Variants in PTGER4 observed in about 807,000 individuals in gnomAD.
The protein encoded by PTGER4 is prostaglandin E2 receptor EP4 subtype.
A neutral mutation model predicts 33.2 loss-of-function variants in PTGER4; 11 were observed. That is an observed-to-expected ratio of 0.33 (90% CI 0.21 to 0.55). PTGER4 has a LOEUF of 0.55. Among genes scored for constraint, PTGER4 ranks in the 20% least tolerant of loss-of-function variants. The probability of loss-of-function intolerance (pLI) is 0.92; values close to 1 mark genes in which losing one functional copy is unlikely to be tolerated. For synonymous variants in PTGER4, 275 were observed against 281.5 expected, an observed-to-expected ratio of 0.98 and a Z score of 0.23; for missense variants, 481 against 650.2, an observed-to-expected ratio of 0.74 and a Z score of 2.83.
the PTGER4 span, among the ~76,000 whole-genome samples, chr5:40,717,298 T>G: frequency 6.6e-6 from 1 of 150,922 alleles, no homozygotes; most frequent in Non-Finnish European, 1.5e-5. Context: ...ATGAAGTAGG[T>G]ATGGTTATTG....
At position 40,691,390 on chromosome 5, in the gene PTGER4, C is replaced by T. The variant is rs1350596877; in HGVS notation, c.868-389C>T. Among the ~76,000 whole-genome samples, 3 of 152,238 alleles carry T rather than the reference C, an allele frequency of 2.0e-5. No individual in the cohort carries two copies. The highest frequency in any genetic ancestry group is 2.9e-5 in the Non-Finnish European group (2 of 68,044). ...AGAGATGGGGTTTCACCATGTTGGC[C>T]AGGAGGTTCTCAATCTCTTGACCTA... On this transcript the variant is annotated intron_variant, in intron 2 of 2. Coordinates refer to ENST00000302472, the MANE Select transcript of PTGER4 (RefSeq NM_000958.3). This position sits in a 1 kb window ranked among gnomAD's most constrained non-coding sequence, Gnocchi z 4.2.
At chr5:40,738,306 C>T in the PTGER4 span, among the ~76,000 whole-genome samples, 2 of 151,446 alleles carry the variant, frequency 1.3e-5, no homozygotes, top group African/African-American at 2.4e-5. Context: ...CCCAGCTAGT[C>T]GGGAGTGCTG....
At chr5:40,727,287 A>C in the PTGER4 span, among the ~76,000 whole-genome samples, 1 of 152,196 alleles carries the variant, frequency 6.6e-6, no homozygotes, top group Non-Finnish European at 1.5e-5. Context: ...CCATTTTTAA[A>C]ATCTTAATTT....
the PTGER4 span, among the ~76,000 whole-genome samples, chr5:40,705,537 C>G: frequency 5.9e-5 from 9 of 152,140 alleles, no homozygotes; most frequent in Admixed American, 5.9e-4. Flanking sequence ...AGTAAATAGA[C>G]AACCTAAAGA....
At chr5:40,744,899 A>G in the PTGER4 span, among the ~76,000 whole-genome samples, 2 of 152,226 alleles carry the variant, frequency 1.3e-5, no homozygotes, top group Non-Finnish European at 2.9e-5. Flanking sequence ...TGGCAATATA[A>G]TATTATTTAT....
the PTGER4 span, among the ~76,000 whole-genome samples, chr5:40,746,341 T>G: frequency 6.6e-6 from 1 of 152,206 alleles, no homozygotes; most frequent in Non-Finnish European, 1.5e-5. Flanking sequence ...CATATTTACT[T>G]AAGTATATAA....
At position 40,681,841 on chromosome 5, in the gene PTGER4, T is replaced by A; in HGVS notation, c.848T>A (p.Ile283Asn). The A allele has an allele frequency of 6.4e-7, 1 of 1,552,130 alleles. No individual in the cohort carries two copies. Among genetic ancestry groups the A allele is most frequent in the Non-Finnish European group, 8.7e-7 (1 of 1,153,526 alleles). The change falls in exon 2 of 3, where the codon ATC (isoleucine) becomes AAC (asparagine). Residue 283 changes from isoleucine to asparagine, a missense_variant. Ile to Asn is a moderately radical substitution (Grantham distance 149). Coordinates refer to ENST00000302472, the MANE Select transcript of PTGER4 (RefSeq NM_000958.3). The surrounding 1 kb of genome is among the most constrained non-coding windows in gnomAD (Gnocchi z 9.8). ...ATTGCCACCTCCCTGGTGGTGCTCATCTGCTCCATCCCGCTCGTGGTGAGT... is the reference window on the plus strand; with the variant it reads ...ATTGCCACCTCCCTGGTGGTGCTCAACTGCTCCATCCCGCTCGTGGTGAGT... ...LLIATSLVVL[I>N]CSIPLVVRVF... is the part of the protein sequence containing the mutation.
chr5:40,733,116 A>G, the PTGER4 span, among the ~76,000 whole-genome samples: 1 of 152,212 alleles, frequency 6.6e-6, no homozygotes, highest in Non-Finnish European at 1.5e-5. Flanking sequence ...ATTATTTCAT[A>G]TATAGAAATT....
chr5:40,698,353 G>T (rs1741662515), downstream of PTGER4, among the ~76,000 whole-genome samples: 1 of 151,990 alleles, frequency 6.6e-6, no homozygotes, highest in African/African-American at 2.4e-5. Flanking sequence ...TGAGAATGAA[G>T]AAAGAAGTAG....
the PTGER4 span, among the ~76,000 whole-genome samples, chr5:40,725,555 GAGCCCGAAGAAGGGAAGCCACAA>G: frequency 6.6e-6 from 1 of 152,138 alleles, no homozygotes; most frequent in Non-Finnish European, 1.5e-5. Context: ...GAATTACACA[GAGCCCGAAGAAGGGAAGCCACAA>G]AGCTAGTTCC....
At chr5:40,732,874 C>T in the PTGER4 span, among the ~76,000 whole-genome samples, 2 of 152,266 alleles carry the variant, frequency 1.3e-5, no homozygotes, top group East Asian at 1.9e-4. Context: ...TCCCAAAGTG[C>T]TGGGATTATA....
chr5:40,708,368 GA>G, the PTGER4 span, among the ~76,000 whole-genome samples: 1 of 152,184 alleles, frequency 6.6e-6, no homozygotes, highest in Non-Finnish European at 1.5e-5. Context: ...TGATCCCACA[GA>G]AATACAAACT....
At chr5:40,713,781 CATT>C in the PTGER4 span, among the ~76,000 whole-genome samples, 7 of 152,098 alleles carry the variant, frequency 4.6e-5, no homozygotes, top group African/African-American at 7.2e-5. Context: ...ACATCTATAT[CATT>C]ATCATGAACA....
the PTGER4 span, among the ~76,000 whole-genome samples, chr5:40,724,852 GA>G: frequency 3.7e-5 from 5 of 133,670 alleles, no homozygotes; most frequent in East Asian, 1.0e-3. Flanking sequence ...TTTACAAGTG[GA>G]TTTTTTTTTT....
At chr5:40,743,682 G>C in the PTGER4 span, among the ~76,000 whole-genome samples, 3 of 152,074 alleles carry the variant, frequency 2.0e-5, no homozygotes, top group Non-Finnish European at 2.9e-5. Flanking sequence ...CTGAGGCAGG[G>C]AGGATTGCTT....
chr5:40,689,464 A>G (rs532220016), intron 2 of PTGER4, among the ~76,000 whole-genome samples: 1 of 152,318 alleles, frequency 6.6e-6, no homozygotes. Flanking sequence ...TTAAAGGAAG[A>G]AAAAAATAAT....
At chr5:40,729,091 AG>A in the PTGER4 span, among the ~76,000 whole-genome samples, 7 of 152,238 alleles carry the variant, frequency 4.6e-5, no homozygotes, top group Non-Finnish European at 8.8e-5. Flanking sequence ...ACACTTTAAA[AG>A]ATTTGTGATA....
At chr5:40,696,978 GAGAA>G (rs1393026452), downstream of PTGER4, among the ~76,000 whole-genome samples, 14 of 131,938 alleles carry the variant, frequency 1.1e-4, no homozygotes, top group South Asian at 2.4e-4. Flanking sequence ...AAGAGAGAGA[GAGAA>G]AGAGAGAAAG....
downstream of PTGER4, among the ~76,000 whole-genome samples, chr5:40,698,094 A>G (rs1037470763): frequency 1.7e-4 from 16 of 94,064 alleles, no homozygotes; most frequent in South Asian, 4.7e-3. Flanking sequence ...TGTCTCTACA[A>G]AAAAAAAAAA....
Sources: gnomAD v4.1 joint callset for allele counts (sites outside exome capture counted in the v4.1 genomes callset) on GRCh38, gnomAD v4.1.1 for gene constraint, Gnocchi (gnomAD v3.1) non-coding constraint, MANE v1.5 for transcripts, NCBI Gene and HGNC (gene_info 2026-07-23, HGNC 2026-07-21) for gene names.